Variants in FGF12 observed in about 807,000 individuals in gnomAD.
FGF12 encodes the protein fibroblast growth factor 12, also known as fibroblast growth factor 12B.
FGF12 carries 14 observed loss-of-function variants against 23.6 expected under a neutral mutation model. That is an observed-to-expected ratio of 0.59 (90% CI 0.39 to 0.93). The LOEUF is 0.93. Among genes scored for constraint, FGF12 ranks in the 40% least tolerant of loss-of-function variants. The pLI is 0.00. For missense variants in FGF12, 175 were observed against 217.8 expected, an observed-to-expected ratio of 0.80 and a Z score of 1.24; for synonymous variants, 62 against 77.3, an observed-to-expected ratio of 0.80 and a Z score of 1.04.
At chr3:192,316,061 C>T (rs1716212771) in intron 4 of FGF12, among the ~76,000 whole-genome samples, 1 of 152,114 alleles carries the variant, frequency 6.6e-6, no homozygotes, top group Non-Finnish European at 1.5e-5. Context: ...ATGTTTTGAA[C>T]CAGACCTCCT....
At chr3:192,320,523 C>G (rs1288273097) in intron 4 of FGF12, among the ~76,000 whole-genome samples, 19 of 152,070 alleles carry the variant, frequency 1.2e-4, no homozygotes. Flanking sequence ...CTTCTCAGCA[C>G]ATGGATTATT....
chr3:192,672,715 T>C (rs748910758), intron 2 of FGF12, among the ~76,000 whole-genome samples: 1 of 151,082 alleles, frequency 6.6e-6, no homozygotes, highest in Non-Finnish European at 1.5e-5. Context: ...GTTTCAGTTG[T>C]TGAACATTCT....
intron 4 of FGF12, among the ~76,000 whole-genome samples, chr3:192,176,021 C>T (rs376344389): frequency 5.9e-5 from 9 of 152,174 alleles, no homozygotes; most frequent in South Asian, 2.1e-4. Context: ...CCTTTCCCAC[C>T]GCCCCCTCAT....
At chr3:192,277,279 T>G (rs941335428) in intron 4 of FGF12, among the ~76,000 whole-genome samples, 2 of 152,230 alleles carry the variant, frequency 1.3e-5, no homozygotes, top group African/African-American at 4.8e-5. Context: ...TTTAGAGATA[T>G]GCCTAGGCCA....
chr3:192,250,168 C>T (rs1711912346), intron 4 of FGF12, among the ~76,000 whole-genome samples: 1 of 152,100 alleles, frequency 6.6e-6, no homozygotes, highest in African/African-American at 2.4e-5. Flanking sequence ...AATAACCTAA[C>T]GTTTTAGGGT....
intron 1 of FGF12, 23 bp downstream of exon 1, chr3:192,727,461 G>GTT: frequency 1.7e-5 from 12 of 687,662 alleles, no homozygotes; most frequent in African/African-American, 2.3e-5. Context: ...TGCCCGCTCA[G>GTT]ATTTTTTTTT....
At chr3:192,654,172 A>G (rs1716312047) in intron 2 of FGF12, among the ~76,000 whole-genome samples, 1 of 152,216 alleles carries the variant, frequency 6.6e-6, no homozygotes, top group Non-Finnish European at 1.5e-5. Flanking sequence ...GCTTGGAAGT[A>G]GGCACAAAGG....
intron 4 of FGF12, among the ~76,000 whole-genome samples, chr3:192,252,271 G>A (rs999399334): frequency 6.6e-6 from 1 of 151,524 alleles, no homozygotes; most frequent in South Asian, 2.1e-4. Context: ...GACCAGTTTG[G>A]CCAACTTGGC....
At chr3:192,296,037 A>C (rs1317181696) in intron 4 of FGF12, among the ~76,000 whole-genome samples, 1 of 142,994 alleles carries the variant, frequency 7.0e-6, no homozygotes, top group Non-Finnish European at 1.5e-5. Flanking sequence ...ACACACCACC[A>C]TGCTGACTAA....
rs1269151352 is a variant in FGF12, at chr3:192,588,357, A to AAAAG, written c.13+138823_13+138824insCTTT. 1.4e-4 allele frequency among the ~76,000 whole-genome samples: 21 copies of AAAAG among 148,518 alleles called. No individual in the cohort carries two copies. In the East Asian group the frequency reaches 3.1e-3, roughly 22 times the overall value. On this transcript the variant is annotated intron_variant, in intron 2 of 5. Coordinates refer to ENST00000445105, the MANE Select transcript of FGF12 (RefSeq NM_004113.6). Reference sequence around the variant, plus strand: ...AGAGCAACAATCCGTCTCAAAAAAAAAAAAAAAAAAGAAAAAAAGAAAAAA... The same window carrying AAAAG: ...AGAGCAACAATCCGTCTCAAAAAAAAAAAGAAAAAAAAAAGAAAAAAAGAAAAAA...
intron 2 of FGF12, among the ~76,000 whole-genome samples, chr3:192,420,220 A>G (rs13099037): frequency 0.37 from 55,768 of 152,008 alleles, 10,322 homozygotes; most frequent in Admixed American, 0.44. Context: ...AAATCGTGCT[A>G]TTAGGAGCTC....
intron 5 of FGF12, among the ~76,000 whole-genome samples, chr3:192,159,600 A>G (rs560190705): frequency 4.2e-4 from 64 of 152,322 alleles, no homozygotes; most frequent in Non-Finnish European, 2.8e-4. Flanking sequence ...ATAATGTGAG[A>G]AAGTTCCACA....
chr3:192,255,922 C>T (rs1712358355), intron 4 of FGF12, among the ~76,000 whole-genome samples: 1 of 152,052 alleles, frequency 6.6e-6, no homozygotes, highest in South Asian at 2.1e-4. Flanking sequence ...TGGCATTCCA[C>T]AACAAAGAGT....
intron 2 of FGF12, among the ~76,000 whole-genome samples, chr3:192,474,460 T>C (rs757013987): frequency 3.9e-5 from 6 of 152,346 alleles, no homozygotes; most frequent in Admixed American, 6.5e-5. Flanking sequence ...GATTGGTGCT[T>C]GGATAGGAAC....
intron 5 of FGF12, among the ~76,000 whole-genome samples, chr3:192,149,470 C>A (rs1389811752): frequency 8.7e-6 from 1 of 114,474 alleles, no homozygotes; most frequent in African/African-American, 3.3e-5. Context: ...CCCCCTCCCC[C>A]CACCCCACAA....
chr3:192,628,083 C>T (rs547468720), intron 2 of FGF12, among the ~76,000 whole-genome samples: 2 of 152,248 alleles, frequency 1.3e-5, no homozygotes, highest in African/African-American at 4.8e-5. Context: ...AAAAACATTA[C>T]ATGAACGTGA....
intron 4 of FGF12, among the ~76,000 whole-genome samples, chr3:192,180,889 G>A (rs989679559): frequency 1.3e-5 from 2 of 152,186 alleles, no homozygotes; most frequent in Non-Finnish European, 2.9e-5. Context: ...GCTTGGCTCT[G>A]TGTTGGTTTT....
intron 5 of FGF12, among the ~76,000 whole-genome samples, chr3:192,168,044 C>T (rs757457979): frequency 1.3e-5 from 2 of 151,678 alleles, no homozygotes; most frequent in South Asian, 2.1e-4. Flanking sequence ...GGATTACAGG[C>T]GTGAGCCACC....
chr3:192,554,188 A>G (rs1027389214), intron 2 of FGF12, among the ~76,000 whole-genome samples: 1 of 152,190 alleles, frequency 6.6e-6, no homozygotes, highest in African/African-American at 2.4e-5. Flanking sequence ...GATAACATAC[A>G]ACAGACAGAG....
Sources: gnomAD v4.1 joint callset for allele counts (sites outside exome capture counted in the v4.1 genomes callset) on GRCh38, gnomAD v4.1.1 for gene constraint, MANE v1.5 for transcripts, NCBI Gene and HGNC (gene_info 2026-07-23, HGNC 2026-07-21) for gene names.